Variants in SYT6 observed in about 807,000 individuals in gnomAD.
SYT6 encodes synaptotagmin 6.
Under a neutral mutation model 38.4 loss-of-function variants are expected in SYT6, and 24 were observed. The observed-to-expected ratio is 0.62, with a 90% CI of 0.45 to 0.88. SYT6 has a LOEUF of 0.88. SYT6 is among the 40% of genes least tolerant of loss of function. The pLI is 0.00. For synonymous variants in SYT6, 265 were observed against 241.9 expected, an observed-to-expected ratio of 1.10 and a Z score of -0.89; for missense variants, 611 against 621.0, an observed-to-expected ratio of 0.98 and a Z score of 0.17.
At chr1:114,143,265 A>G (rs563694751) in intron 1 of SYT6, among the ~76,000 whole-genome samples, 1 of 149,114 alleles carries the variant, frequency 6.7e-6, no homozygotes, top group South Asian at 2.1e-4. Flanking sequence ...AATATACTTT[A>G]GTCTATTAAG....
intron 3 of SYT6, among the ~76,000 whole-genome samples, chr1:114,134,195 C>G (rs550860622): frequency 9.8e-5 from 15 of 152,302 alleles, no homozygotes; most frequent in Admixed American, 2.0e-4. Context: ...CTGGTTACCC[C>G]AGACACAAAC....
chr1:114,105,012 C>A (rs1676201875), intron 3 of SYT6, among the ~76,000 whole-genome samples: 1 of 151,886 alleles, frequency 6.6e-6, no homozygotes, highest in Non-Finnish European at 1.5e-5. Context: ...CTAGTAGTCC[C>A]CAGTGTCTAT....
At chr1:114,092,353 T>C (rs1048136925) in intron 7 of SYT6, among the ~76,000 whole-genome samples, 2 of 151,886 alleles carry the variant, frequency 1.3e-5, no homozygotes, top group Non-Finnish European at 2.9e-5. Flanking sequence ...TGTGTGTGTG[T>C]GTGTGTGTGT....
chr1:114,121,807 T>C lies in SYT6; in HGVS notation c.1071+15688A>G, dbSNP rs549726720. Among the ~76,000 whole-genome samples, 286 of 152,314 alleles carry C rather than the reference T, an allele frequency of 1.9e-3. 1 individual carries two copies. The highest frequency in any genetic ancestry group is 3.7e-3 in the Non-Finnish European group (253 of 68,032). Reference sequence around the variant, plus strand: ...AAATGAGAACACGTCTTTGGAAATTTACTTATAAACACATTAGTTATTGTT... The same window carrying C: ...AAATGAGAACACGTCTTTGGAAATTCACTTATAAACACATTAGTTATTGTT... On this transcript the variant is annotated intron_variant, in intron 3 of 7. Transcript: ENST00000610222.
intron 3 of SYT6, among the ~76,000 whole-genome samples, chr1:114,109,537 G>A (rs976429459): frequency 6.6e-6 from 1 of 152,188 alleles, no homozygotes; most frequent in Non-Finnish European, 1.5e-5. Context: ...GATGAATATA[G>A]GACCCACCTC....
chr1:114,124,111 C>A (rs532546085), intron 3 of SYT6, among the ~76,000 whole-genome samples: 1 of 152,192 alleles, frequency 6.6e-6, no homozygotes, highest in Non-Finnish European at 1.5e-5. Flanking sequence ...TAAGGAGGGG[C>A]CTCTCTCTGC....
At chr1:114,153,498 C>T in intron 1 of SYT6, 112 bp downstream of exon 1, 2 of 545,016 alleles carry the variant, frequency 3.7e-6, no homozygotes, top group Non-Finnish European at 6.5e-6. Flanking sequence ...ATCCAGAATC[C>T]CGAGCTGGGG....
chr1:114,128,885 G>A (rs1027326194), intron 3 of SYT6, among the ~76,000 whole-genome samples: 7 of 152,014 alleles, frequency 4.6e-5, no homozygotes, highest in Non-Finnish European at 1.0e-4. Context: ...TATTCCACTG[G>A]GATCTCAATT....
rs113828454 is a variant in SYT6, at chr1:114,105,369, G to A, written c.1072-1648C>T. On this transcript the variant is annotated intron_variant, in intron 3 of 7. Coordinates refer to ENST00000610222, the MANE Select transcript of SYT6 (RefSeq NM_001253772.2). ...CCTACCTCCAGAGCCTGCGCTCACC[G>A]CACTCTCCTCTAGGCAGCCCTGACA... is the stretch of plus-strand genomic sequence containing the variant. Among the ~76,000 whole-genome samples the A allele has an allele frequency of 3.2e-3, 410 of 128,864 alleles. 2 individuals carry two copies. Among genetic ancestry groups the A allele is most frequent in the African/African-American group, 0.01 (347 of 33,550 alleles). The allele number at this position is 128,864 out of a possible 152,430, so 84.5% of individuals were successfully genotyped here. A position where few individuals can be genotyped will look rare whatever the true frequency, so the allele number is the denominator to read the frequency against.
intron 3 of SYT6, among the ~76,000 whole-genome samples, chr1:114,115,790 A>T (rs1676958697): frequency 6.6e-6 from 1 of 152,056 alleles, no homozygotes; most frequent in Non-Finnish European, 1.5e-5. Context: ...CATTGTACTG[A>T]AACTCATAGA....
chr1:114,098,940 T>G (rs757997617), intron 5 of SYT6, among the ~76,000 whole-genome samples, 154 bp downstream of exon 5: 1 of 152,212 alleles, frequency 6.6e-6, no homozygotes, highest in Non-Finnish European at 1.5e-5. Context: ...ATGCTCTTCC[T>G]CAAACTCCTG....
chr1:114,151,410 G>T (rs957322402), intron 1 of SYT6, among the ~76,000 whole-genome samples: 1 of 152,058 alleles, frequency 6.6e-6, no homozygotes. Context: ...TGGGCCTGCC[G>T]ACTCTCACCC....
At chr1:114,145,502 G>GTTT (rs752982644) in intron 1 of SYT6, among the ~76,000 whole-genome samples, 3 of 111,626 alleles carry the variant, frequency 2.7e-5, no homozygotes. Flanking sequence ...GAGGTATTAA[G>GTTT]TTTTTTTTTT....
At chr1:114,110,542 A>G (rs2101009663) in intron 3 of SYT6, among the ~76,000 whole-genome samples, 1 of 152,296 alleles carries the variant, frequency 6.6e-6, no homozygotes, top group East Asian at 1.9e-4. Context: ...CAGAGTAAGC[A>G]AAGGGTAAGA....
chr1:114,124,296 C>T (rs548064330), intron 3 of SYT6, among the ~76,000 whole-genome samples: 1 of 152,278 alleles, frequency 6.6e-6, no homozygotes, highest in South Asian at 2.1e-4. Context: ...AAATGATGGC[C>T]AGTTATTCAG....
chr1:114,116,379 CA>C (rs976090097), intron 3 of SYT6, among the ~76,000 whole-genome samples: 2 of 152,202 alleles, frequency 1.3e-5, no homozygotes, highest in Non-Finnish European at 2.9e-5. Context: ...CCTCTCTGCA[CA>C]GATCTTTGTA....
chr1:114,139,884 C>G lies in SYT6; in HGVS notation c.243G>C (p.Trp81Cys), dbSNP rs1325986710. The G allele has an allele frequency of 6.5e-7, 1 of 1,543,846 alleles. No homozygotes were observed. Reference protein sequence around the residue: ...ALVAVFLFLFWKLCWMPWRNK... With the variant: ...ALVAVFLFLFCKLCWMPWRNK... ...TCCTCCAGGGCATCCAGCACAGCTT[C>G]CAAAAGAGAAAGAGAAAAACTGCCA... Residue 81 changes from tryptophan (W) to cysteine (C), a missense_variant, in exon 2 of 8, where the codon TGG (tryptophan) becomes TGC (cysteine). Physicochemically the swap from Trp to Cys is radical, Grantham distance 215 (BLOSUM62 -2). Transcript: ENST00000610222.
Position 114,092,050 on chromosome 1 carries a change from C to T in SYT6, c.*84G>A. The T allele has an allele frequency of 1.3e-6, 2 of 1,536,292 alleles. No homozygotes were observed. The highest frequency in any genetic ancestry group is 1.7e-6 in the Non-Finnish European group (2 of 1,146,914). ...GTGGTTTCGGAGATGGGCACGAGCT[C>T]TCACTGTCGAAGCTAGCAGCTCGGC... On this transcript the variant is annotated 3_prime_UTR_variant, in exon 8 of 8. Coordinates refer to ENST00000610222, the MANE Select transcript of SYT6 (RefSeq NM_001253772.2).
At chr1:114,124,847 C>T (rs994317666) in intron 3 of SYT6, among the ~76,000 whole-genome samples, 7 of 152,176 alleles carry the variant, frequency 4.6e-5, no homozygotes, top group East Asian at 1.9e-4. Context: ...GGTGGACTGC[C>T]GCTCACTGGC....
Sources: allele counts gnomAD v4.1 joint callset (sites outside exome capture counted in the v4.1 genomes callset), GRCh38; gene constraint gnomAD v4.1.1; transcripts MANE v1.5; gene names NCBI Gene and HGNC (gene_info 2026-07-23, HGNC 2026-07-21).